The following RIT2 variants were observed in gnomAD, a reference collection of about 807,000 sequenced individuals.
RIT2 encodes the protein Ras like without CAAX 2.
A neutral mutation model predicts 23.7 loss-of-function variants in RIT2; 24 were observed. The observed-to-expected ratio is 1.01, with a 90% CI of 0.73 to 1.43. The LOEUF (loss-of-function observed/expected upper bound fraction) is 1.43. RIT2 is among the 40% of genes most tolerant of loss of function. The probability of loss-of-function intolerance (pLI) is 0.00; values close to 1 mark genes in which losing one functional copy is unlikely to be tolerated. For synonymous variants in RIT2, 107 were observed against 91.1 expected (o/e 1.17, Z -0.99); for missense variants, 236 against 266.9 (o/e 0.88, Z 0.81).
intron 1 of RIT2, among the ~76,000 whole-genome samples, chr18:43,076,677 CA>C (rs1913026488): frequency 6.6e-6 from 1 of 152,166 alleles, no homozygotes; most frequent in Non-Finnish European, 1.5e-5. Context: ...ATATGTCTAG[CA>C]ACATCTCTTT....
chr18:42,920,715 G>A, intron 4 of RIT2: 1 of 1,595,472 alleles, frequency 6.3e-7, no homozygotes, highest in South Asian at 1.1e-5. Context: ...AAAAGAAGCA[G>A]CTTCAACCAT....
At chr18:43,050,636 C>T (rs897094145) in intron 1 of RIT2, among the ~76,000 whole-genome samples, 7 of 152,100 alleles carry the variant, frequency 4.6e-5, no homozygotes, top group Non-Finnish European at 1.0e-4. Context: ...CCCCTTCTGT[C>T]CTCCATCTGC....
At chr18:43,000,395 A>G (rs903317962) in intron 2 of RIT2, among the ~76,000 whole-genome samples, 1 of 152,074 alleles carries the variant, frequency 6.6e-6, no homozygotes, top group African/African-American at 2.4e-5. Context: ...TAAACAATCA[A>G]TTGCAATAGG....
intron 4 of RIT2, among the ~76,000 whole-genome samples, chr18:42,860,053 A>C (rs1907287149): frequency 6.6e-6 from 1 of 152,216 alleles, no homozygotes; most frequent in Admixed American, 6.5e-5. Context: ...CAGTTGAACA[A>C]ATGTCACTGA....
At chr18:43,068,952 T>C (rs1912837406) in intron 1 of RIT2, among the ~76,000 whole-genome samples, 1 of 152,080 alleles carries the variant, frequency 6.6e-6, no homozygotes. Context: ...GGCTGGGACT[T>C]GCTGGGCTGC....
intron 4 of RIT2, among the ~76,000 whole-genome samples, chr18:42,819,817 T>G (rs16976965): frequency 0.016 from 2,451 of 152,190 alleles, 75 homozygotes; most frequent in African/African-American, 0.056. Flanking sequence ...ATGGATGTTT[T>G]CTATGTGATA....
Position 43,070,720 on chromosome 18 carries a change from C to T in RIT2, c.104-36853G>A, listed in dbSNP as rs1478763640. Among the ~76,000 whole-genome samples, 3 of 152,188 alleles carry T rather than the reference C, an allele frequency of 2.0e-5. No homozygotes were observed. The East Asian group carries it at 5.8e-4, about 29-fold the overall frequency. On this transcript the variant is annotated intron_variant, in intron 1 of 4. Coordinates refer to ENST00000326695, the MANE Select transcript of RIT2 (RefSeq NM_002930.4). The stretch of plus-strand genomic sequence containing the variant: ...TATTATGTAGTGAATTTTTCCAACA[C>T]AATGAATATATTCAGCTGAAAATTA...
intron 3 of RIT2, among the ~76,000 whole-genome samples, chr18:42,924,665 G>C (rs1291613735): frequency 6.6e-6 from 1 of 152,052 alleles, no homozygotes; most frequent in Non-Finnish European, 1.5e-5. Flanking sequence ...TTGTGACTTG[G>C]ACAGTTTGTG....
At position 42,971,344 on chromosome 18, in the gene RIT2, G is replaced by A. The variant is rs1185470944; in HGVS notation, c.234+2730C>T. ...CCTGATGTACTCCTGACTATGTTTG[G>A]CTGCAGTTGAAACTAGCTTTAAAAA... On this transcript the variant is annotated intron_variant, in intron 3 of 4. Coordinates refer to ENST00000326695, the MANE Select transcript of RIT2 (RefSeq NM_002930.4). 4.6e-5 allele frequency among the ~76,000 whole-genome samples: 7 copies of A among 151,970 alleles called. No homozygotes were observed. The East Asian group carries it at 1.4e-3, about 29-fold the overall frequency.
intron 4 of RIT2, among the ~76,000 whole-genome samples, chr18:42,819,943 A>C (rs1397981648): frequency 6.6e-6 from 1 of 152,174 alleles, no homozygotes; most frequent in Non-Finnish European, 1.5e-5. Flanking sequence ...ATAAAAGGCC[A>C]GAGCATTTGC....
chr18:42,950,900 A>C (rs1356821400), intron 3 of RIT2, among the ~76,000 whole-genome samples: 1 of 93,872 alleles, frequency 1.1e-5, no homozygotes, highest in Non-Finnish European at 2.1e-5. Flanking sequence ...TTAAAACATC[A>C]AAAAAAAAAA....
At chr18:42,915,151 TAC>T (rs71918963) in intron 4 of RIT2, among the ~76,000 whole-genome samples, 5,130 of 145,828 alleles carry the variant, frequency 0.035, 93 homozygotes, top group Middle Eastern at 0.097. Context: ...CATATAATTA[TAC>T]ACACACACAC....
intron 3 of RIT2, among the ~76,000 whole-genome samples, chr18:42,961,486 T>G (rs1910092249): frequency 6.6e-6 from 1 of 152,170 alleles, no homozygotes; most frequent in South Asian, 2.1e-4. Context: ...CAAAGCTTAC[T>G]CTAGTACTAT....
chr18:43,092,099 G>A (rs966101200), intron 1 of RIT2, among the ~76,000 whole-genome samples: 1 of 152,026 alleles, frequency 6.6e-6, no homozygotes, highest in Non-Finnish European at 1.5e-5. Context: ...ATGAAAAATA[G>A]TCCTACTTTC....
At chr18:42,791,043 C>G (rs552713180) in intron 4 of RIT2, among the ~76,000 whole-genome samples, 21 of 152,222 alleles carry the variant, frequency 1.4e-4, no homozygotes, top group Admixed American at 3.3e-4. Flanking sequence ...TCCCTACATG[C>G]CTTTTGTTGT....
intron 2 of RIT2, among the ~76,000 whole-genome samples, chr18:43,000,023 G>A (rs1911068423): frequency 6.6e-6 from 1 of 152,046 alleles, no homozygotes; most frequent in Non-Finnish European, 1.5e-5. Context: ...CTAAGAAAAT[G>A]TATAAATGAC....
chr18:43,029,873 T>C (rs943945699), intron 2 of RIT2, among the ~76,000 whole-genome samples: 1 of 152,064 alleles, frequency 6.6e-6, no homozygotes, highest in Non-Finnish European at 1.5e-5. Context: ...CAAGAAATAG[T>C]AGTTAACAAA....
intron 4 of RIT2, among the ~76,000 whole-genome samples, chr18:42,842,123 C>A (rs1164422623): frequency 1.3e-5 from 2 of 152,176 alleles, no homozygotes; most frequent in Admixed American, 6.5e-5. Context: ...ATATTTCTCC[C>A]CAGGGGAAAA....
chr18:43,095,443 C>T lies in RIT2; in HGVS notation c.103+19974G>A, dbSNP rs141093397. Among the ~76,000 whole-genome samples, 449 of 151,960 alleles carry T rather than the reference C, an allele frequency of 3.0e-3. 4 individuals carry two copies. Among genetic ancestry groups the T allele is most frequent in the African/African-American group, 8.1e-3 (335 of 41,490 alleles). ...CGAGTTGATGGATGCAGCAAACCAA[C>T]ATGGCACATGTATACCTATGTACAA... is the stretch of plus-strand genomic sequence containing the variant. On this transcript the variant is annotated intron_variant, in intron 1 of 4. Transcript: ENST00000326695.
Sources: gnomAD v4.1 joint callset for allele counts (sites outside exome capture counted in the v4.1 genomes callset) on GRCh38, gnomAD v4.1.1 for gene constraint, MANE v1.5 for transcripts, NCBI Gene and HGNC (gene_info 2026-07-23, HGNC 2026-07-21) for gene names.